Variants in RALGPS1 observed in about 807,000 individuals in gnomAD.
RALGPS1 encodes the protein Ral GEF with PH domain and SH3 binding motif 1, also known as ras-specific guanine nucleotide-releasing factor RalGPS1.
A neutral mutation model predicts 78.8 loss-of-function variants in RALGPS1; 19 were observed. The observed-to-expected ratio is 0.24, with a 90% confidence interval of 0.17 to 0.35. RALGPS1 has a LOEUF of 0.35. Ranked by LOEUF, RALGPS1 falls within the 10% of genes least tolerant of loss-of-function variation. The pLI is 1.00. For synonymous variants in RALGPS1, 228 were observed against 256.3 expected (o/e 0.89, Z 1.06); for missense variants, 454 against 688.3 (o/e 0.66, Z 3.81).
chr9:127,080,705 T>G (rs142578668), intron 8 of RALGPS1, among the ~76,000 whole-genome samples: 52 of 152,354 alleles, frequency 3.4e-4, no homozygotes, highest in Non-Finnish European at 6.9e-4. Context: ...GTGTCCCAAC[T>G]GATAAATATT....
intron 14 of RALGPS1, among the ~76,000 whole-genome samples, chr9:127,207,205 TC>T (rs1239568583): frequency 1.3e-5 from 2 of 152,096 alleles, no homozygotes; most frequent in Admixed American, 1.3e-4. Context: ...ATCATTATCA[TC>T]ATCCCATGAC....
intron 4 of RALGPS1, among the ~76,000 whole-genome samples, chr9:127,008,865 C>T (rs2044095215): frequency 6.6e-6 from 1 of 152,188 alleles, no homozygotes; most frequent in African/African-American, 2.4e-5. Flanking sequence ...ATGGCTGCTG[C>T]TGCTATTTCT....
chr9:127,182,384 C>CCCTT (rs2060310365), intron 11 of RALGPS1, among the ~76,000 whole-genome samples: 1 of 31,770 alleles, frequency 3.1e-5, no homozygotes, highest in Admixed American at 2.6e-4. Flanking sequence ...CTCCCTCCCT[C>CCCTT]CCTCCCTCCC....
chr9:126,972,748 T>C (rs1015657540), intron 3 of RALGPS1, among the ~76,000 whole-genome samples: 1 of 152,196 alleles, frequency 6.6e-6, no homozygotes, highest in African/African-American at 2.4e-5. Flanking sequence ...GGAGAGAATA[T>C]TTGTAGATTA....
chr9:126,968,631 G>A (rs1016149792), intron 3 of RALGPS1, among the ~76,000 whole-genome samples: 5 of 152,226 alleles, frequency 3.3e-5, no homozygotes, highest in African/African-American at 4.8e-5. Context: ...ACTTAGAGAA[G>A]AAAGTCGTCT....
At chr9:126,951,393 G>A (rs1351592682) in intron 1 of RALGPS1, among the ~76,000 whole-genome samples, 3 of 150,560 alleles carry the variant, frequency 2.0e-5, no homozygotes, top group Non-Finnish European at 4.4e-5. Flanking sequence ...CAATATCCTT[G>A]ATGAACATCG....
intron 11 of RALGPS1, among the ~76,000 whole-genome samples, chr9:127,191,098 G>C (rs1247655691): frequency 1.3e-5 from 2 of 152,114 alleles, no homozygotes; most frequent in Admixed American, 1.3e-4. Flanking sequence ...CTTTCTTACA[G>C]ATATTTGAAG....
At chr9:127,195,013 C>T (rs895505366) in intron 11 of RALGPS1, 78 bp from the exon 12 acceptor site, 11 of 1,561,294 alleles carry the variant, frequency 7.0e-6, no homozygotes, top group African/African-American at 1.4e-5. Context: ...GGCCCACCTC[C>T]ACACCTCAAC....
intron 14 of RALGPS1, chr9:127,210,721 G>T (rs987647357): frequency 1.4e-5 from 22 of 1,550,584 alleles, no homozygotes; most frequent in Non-Finnish European, 1.9e-5. Flanking sequence ...GCCACCCTGG[G>T]GCCCAACTGG....
At chr9:127,093,205 G>C (rs1406806385) in intron 8 of RALGPS1, among the ~76,000 whole-genome samples, 1 of 152,150 alleles carries the variant, frequency 6.6e-6, no homozygotes, top group African/African-American at 2.4e-5. Context: ...AACTTTCCCT[G>C]CTACACAGAT....
At chr9:127,139,092 C>T (rs1190869895) in intron 8 of RALGPS1, among the ~76,000 whole-genome samples, 1 of 152,182 alleles carries the variant, frequency 6.6e-6, no homozygotes, top group Non-Finnish European at 1.5e-5. Context: ...GAAGATGATC[C>T]TGGAAGCCAG....
At chr9:127,172,028 A>G (rs188769172) in intron 10 of RALGPS1, among the ~76,000 whole-genome samples, 1 of 152,344 alleles carries the variant, frequency 6.6e-6, no homozygotes, top group Admixed American at 6.5e-5. Context: ...AAACAGATTC[A>G]GTTTTTACCA....
At chr9:127,012,212 G>A (rs550768528) in intron 4 of RALGPS1, among the ~76,000 whole-genome samples, 3 of 152,226 alleles carry the variant, frequency 2.0e-5, no homozygotes, top group African/African-American at 7.2e-5. Context: ...GAAGTTTTTG[G>A]ATAAAACCTA....
At chr9:127,142,591 C>T (rs2057854446) in intron 8 of RALGPS1, among the ~76,000 whole-genome samples, 1 of 152,184 alleles carries the variant, frequency 6.6e-6, no homozygotes, top group South Asian at 2.1e-4. Flanking sequence ...CCTCCAAGCT[C>T]AGTTCTCTTG....
At chr9:127,177,339 C>T (rs2059937590) in intron 11 of RALGPS1, among the ~76,000 whole-genome samples, 1 of 152,180 alleles carries the variant, frequency 6.6e-6, no homozygotes, top group Non-Finnish European at 1.5e-5. Context: ...CTGGTGCCTC[C>T]ACCCTTCACC....
At chr9:127,159,428 A>C (rs1303854365) in intron 8 of RALGPS1, among the ~76,000 whole-genome samples, 1 of 152,140 alleles carries the variant, frequency 6.6e-6, no homozygotes, top group Admixed American at 6.5e-5. Context: ...CCACAACCCC[A>C]AGTCATACAC....
intron 5 of RALGPS1, among the ~76,000 whole-genome samples, chr9:127,039,385 G>A (rs761731171): frequency 1.4e-4 from 21 of 152,310 alleles, no homozygotes; most frequent in South Asian, 8.3e-4. Flanking sequence ...GGACAGTTTT[G>A]CAGGGATGTA....
intron 4 of RALGPS1, among the ~76,000 whole-genome samples, chr9:126,982,902 T>A (rs1230285797): frequency 5.8e-5 from 5 of 86,868 alleles, no homozygotes; most frequent in African/African-American, 2.0e-4. Flanking sequence ...TTCTCTTCTT[T>A]TCTTCTTCTT....
intron 1 of RALGPS1, among the ~76,000 whole-genome samples, chr9:126,960,920 G>A (rs994150383): frequency 6.6e-6 from 1 of 152,116 alleles, no homozygotes; most frequent in South Asian, 2.1e-4. Context: ...TGCCTGGGGA[G>A]TCTCTGTCCT....
Sources: allele counts gnomAD v4.1 joint callset (sites outside exome capture counted in the v4.1 genomes callset), GRCh38; gene constraint gnomAD v4.1.1; transcripts MANE v1.5; gene names NCBI Gene and HGNC (gene_info 2026-07-23, HGNC 2026-07-21).